Variants in ATP2A2 observed in about 807,000 individuals in gnomAD.
ATP2A2 encodes the protein sarcoplasmic/endoplasmic reticulum calcium ATPase 2.
In ATP2A2, 14 loss-of-function variants were observed where a neutral mutation model predicts 109.3. The ratio of observed to expected loss-of-function variants is 0.13; its 90% confidence interval spans 0.08 to 0.20. The LOEUF is 0.20. Ranked by LOEUF, ATP2A2 falls within the 10% of genes least tolerant of loss-of-function variation. The pLI, the probability that ATP2A2 is intolerant of heterozygous loss-of-function variation, is 1.00. For missense variants in ATP2A2, 657 were observed against 1,321.6 expected (o/e 0.50, Z 7.80); for synonymous variants, 506 against 490.9 (o/e 1.03, Z -0.41).
At position 110,339,011 on chromosome 12, in the gene ATP2A2, C is replaced by T. The variant is rs1879106153; in HGVS notation, c.1420-270C>T. Reference sequence around the variant, plus strand: ...GGGGCCATCTTTATTCAAATGTCACCGCCTTCTGGCCACTTTATGTAACAG... The same window carrying T: ...GGGGCCATCTTTATTCAAATGTCACTGCCTTCTGGCCACTTTATGTAACAG... On this transcript the variant is annotated intron_variant, in intron 11 of 19. Coordinates refer to ENST00000539276, the MANE Select transcript of ATP2A2 (RefSeq NM_170665.4). This position sits in a 1 kb window ranked among gnomAD's most constrained non-coding sequence, Gnocchi z 4.4. Among the ~76,000 whole-genome samples, 1 of 152,172 alleles carries T rather than the reference C, an allele frequency of 6.6e-6. No individual in the cohort carries two copies. The highest frequency in any genetic ancestry group is 2.4e-5 in the African/African-American group (1 of 41,444).
chr12:110,306,124 C>T (rs1047171748), intron 5 of ATP2A2, among the ~76,000 whole-genome samples: 9 of 152,242 alleles, frequency 5.9e-5, no homozygotes, highest in South Asian at 2.1e-4. Context: ...CTGCAAGCTC[C>T]GCCTCTCGGG....
chr12:110,343,224 G>A lies in ATP2A2; in HGVS notation c.2319-8G>A. The A allele has an allele frequency of 6.2e-7, 1 of 1,613,484 alleles. No homozygotes were observed. The highest frequency in any genetic ancestry group is 8.5e-7 in the Non-Finnish European group (1 of 1,179,676). On this transcript the variant is annotated splice_polypyrimidine_tract_variant and splice_region_variant and intron_variant, in intron 15 of 19. Coordinates refer to ENST00000539276, the MANE Select transcript of ATP2A2 (RefSeq NM_170665.4). Reference sequence around the variant, plus strand: ...CTCTCTTTGTCTTCTTTTCTTGATTGGAAACAGTATTTTCCTGACAGCAGC... The same window carrying A: ...CTCTCTTTGTCTTCTTTTCTTGATTAGAAACAGTATTTTCCTGACAGCAGC...
chr12:110,350,210 G>T lies in ATP2A2; in HGVS notation c.*3740G>T, dbSNP rs1592875557. On this transcript the variant is annotated 3_prime_UTR_variant, in exon 20 of 20. Coordinates refer to ENST00000539276, the MANE Select transcript of ATP2A2 (RefSeq NM_170665.4). ...ATGTTCCTTTTCATCTGTCGCTGTT[G>T]ATCTTCATCTATTTAAATAGGTATT... is the stretch of plus-strand genomic sequence containing the variant. The T allele has an allele frequency of 1.2e-6, 2 of 1,613,336 alleles. No homozygotes were observed. Among genetic ancestry groups the T allele is most frequent in the South Asian group, 2.2e-5 (2 of 90,942 alleles).
At chr12:110,341,020 T>G (rs1218521682) in intron 14 of ATP2A2, 26 bp downstream of exon 14, 2 of 1,611,716 alleles carry the variant, frequency 1.2e-6, no homozygotes, top group Non-Finnish European at 1.7e-6. Context: ...CATGTACAGG[T>G]GACTCAGGCT....
In ATP2A2 at chr12:110,347,358, C is replaced by T. The variant is rs1389539553; in HGVS notation, c.*888C>T. ...TGTCTTTAACTCGTAAGTGGCTTACCTGGGACTAACAGACATGTCCAACTT... is the reference window on the plus strand; with the variant it reads ...TGTCTTTAACTCGTAAGTGGCTTACTTGGGACTAACAGACATGTCCAACTT... On this transcript the variant is annotated 3_prime_UTR_variant, in exon 20 of 20. Coordinates refer to ENST00000539276, the MANE Select transcript of ATP2A2 (RefSeq NM_170665.4). 2.3e-6 allele frequency: 3 copies of T among 1,288,938 alleles called. No homozygotes were observed. Among genetic ancestry groups the T allele is most frequent in the Non-Finnish European group, 3.0e-6 (3 of 988,624 alleles). The allele number at this position is 1,288,938 out of a possible 1,614,324, so 79.8% of individuals were successfully genotyped here. A position where few individuals can be genotyped will look rare whatever the true frequency, so the allele number is the denominator to read the frequency against.
chr12:110,333,101 C>A (rs1878501551), intron 9 of ATP2A2, 80 bp from the exon 10 acceptor site: 1 of 1,213,030 alleles, frequency 8.2e-7, no homozygotes, highest in Non-Finnish European at 1.2e-6. Flanking sequence ...CATTATTAAA[C>A]AATTGCGGGG....
At chr12:110,334,605 T>G (rs1878655716) in intron 11 of ATP2A2, among the ~76,000 whole-genome samples, 1 of 150,954 alleles carries the variant, frequency 6.6e-6, no homozygotes, top group South Asian at 2.1e-4. Flanking sequence ...TTTTTTTTTT[T>G]TGAGACAGAG....
chr12:110,318,976 T>C (rs920069190), intron 5 of ATP2A2, among the ~76,000 whole-genome samples: 57 of 152,198 alleles, frequency 3.7e-4, no homozygotes, highest in Admixed American at 3.0e-3. Flanking sequence ...TCCATGACTC[T>C]AGCTATTGCA....
rs772831610 is a variant in ATP2A2 at position 110,350,345 on chromosome 12, G to A, written c.*3875G>A. ...ATTTTGCAGAAATGTAAGGGTGTTC[G>A]GTTGCGTGCATGTGCGTTTTTAGCA... On this transcript the variant is annotated 3_prime_UTR_variant, in exon 20 of 20. Coordinates refer to ENST00000539276, the MANE Select transcript of ATP2A2 (RefSeq NM_170665.4). The A allele has an allele frequency of 5.3e-5, 85 of 1,614,084 alleles. No homozygotes were observed. The highest frequency in any genetic ancestry group is 4.0e-4 in the African/African-American group (30 of 75,026).
At chr12:110,333,156 C>CT (rs1246764975) in intron 9 of ATP2A2, 25 bp from the exon 10 acceptor site, 6 of 1,591,390 alleles carry the variant, frequency 3.8e-6, no homozygotes, top group Non-Finnish European at 5.2e-6. Context: ...ATACCCTGCT[C>CT]TAAGAGTGTT....
At position 110,347,725 on chromosome 12, in the gene ATP2A2, G is replaced by T; in HGVS notation, c.*1255G>T. 1.7e-6 allele frequency: 2 copies of T among 1,145,408 alleles called. No homozygotes were observed. Among genetic ancestry groups the T allele is most frequent in the South Asian group, 3.8e-5 (2 of 52,734 alleles). 71.0% of individuals were successfully genotyped at this position (1,145,408 alleles called of 1,614,324 possible). The stretch of plus-strand genomic sequence containing the variant: ...GTTCGAGATGAGTCTCACCAACAGT[G>T]TGTAAGTCATTAACAGTCCTAACTG... On this transcript the variant is annotated 3_prime_UTR_variant, in exon 20 of 20. Coordinates refer to ENST00000539276, the MANE Select transcript of ATP2A2 (RefSeq NM_170665.4).
chr12:110,342,573 G>C lies in ATP2A2; in HGVS notation c.2318+125G>C. Reference sequence around the variant, plus strand: ...TCTTTGTGCCTGAGTTGGAAGAGGGGAGTGGGCAAGACAGAAATGCCTTAT... The same window carrying C: ...TCTTTGTGCCTGAGTTGGAAGAGGGCAGTGGGCAAGACAGAAATGCCTTAT... On this transcript the variant is annotated intron_variant, in intron 15 of 19. Transcript: ENST00000539276. This position sits in a 1 kb window ranked among gnomAD's most constrained non-coding sequence, Gnocchi z 4.6. The C allele has an allele frequency of 8.7e-7, 1 of 1,149,352 alleles. No individual in the cohort carries two copies. Among genetic ancestry groups the C allele is most frequent in the Non-Finnish European group, 1.3e-6 (1 of 786,584 alleles). The allele number at this position is 1,149,352 out of a possible 1,614,324, so 71.2% of individuals were successfully genotyped here.
At chr12:110,286,286 A>G (rs1227719233) in intron 3 of ATP2A2, among the ~76,000 whole-genome samples, 1 of 152,170 alleles carries the variant, frequency 6.6e-6, no homozygotes, top group Non-Finnish European at 1.5e-5. Context: ...TTTTCTGAAA[A>G]TACATGAGAT....
rs1338978864 is a variant in ATP2A2, at chr12:110,348,267, A to AC, written c.*1804dup. ...AAATAGGCCACTTCCCCACTCCCCC[A>AC]CCCCCCCTTGCTTGGTCTTGTCCTT... On this transcript the variant is annotated 3_prime_UTR_variant, in exon 20 of 20. Coordinates refer to ENST00000539276, the MANE Select transcript of ATP2A2 (RefSeq NM_170665.4). 92 of 959,674 alleles carry AC rather than the reference A, an allele frequency of 9.6e-5. No individual in the cohort carries two copies. The highest frequency in any genetic ancestry group is 6.8e-4 in the African/African-American group (38 of 55,702). The allele number at this position is 959,674 out of a possible 1,614,324, so 59.4% of individuals were successfully genotyped here.
intron 3 of ATP2A2, 76 bp downstream of exon 3, chr12:110,282,871 T>C: frequency 8.2e-7 from 1 of 1,226,494 alleles, no homozygotes; most frequent in Non-Finnish European, 1.2e-6. Context: ...AAACAAATGA[T>C]GTCCATTGGG....
chr12:110,293,045 C>T (rs531854930), intron 4 of ATP2A2, among the ~76,000 whole-genome samples: 13 of 152,118 alleles, frequency 8.5e-5, no homozygotes, highest in Admixed American at 1.3e-4. Flanking sequence ...AGGTATTTGA[C>T]GGATATAATC....
intron 3 of ATP2A2, among the ~76,000 whole-genome samples, chr12:110,289,296 G>C (rs559155227): frequency 4.6e-5 from 7 of 152,272 alleles, no homozygotes; most frequent in African/African-American, 1.7e-4. Flanking sequence ...GCTAATTAAA[G>C]TTTCTTGTTT....
intron 11 of ATP2A2, among the ~76,000 whole-genome samples, chr12:110,336,564 C>G (rs142303559): frequency 6.6e-6 from 1 of 152,138 alleles, no homozygotes; most frequent in African/African-American, 2.4e-5. Flanking sequence ...GTGAAAAGTT[C>G]TAGACCATCA....
At chr12:110,317,369 T>C (rs1876776734) in intron 5 of ATP2A2, among the ~76,000 whole-genome samples, 1 of 152,076 alleles carries the variant, frequency 6.6e-6, no homozygotes, top group Non-Finnish European at 1.5e-5. Flanking sequence ...ATACAATTGA[T>C]TAATAAAAAG....
Sources: allele counts gnomAD v4.1 joint callset (sites outside exome capture counted in the v4.1 genomes callset), GRCh38; gene constraint gnomAD v4.1.1; non-coding constraint Gnocchi (gnomAD v3.1); transcripts MANE v1.5; gene names NCBI Gene and HGNC (gene_info 2026-07-23, HGNC 2026-07-21).